Variants in OPRM1 observed in about 807,000 individuals in gnomAD.
OPRM1 encodes opioid receptor mu 1, also known as mu-type opioid receptor.
Under a neutral mutation model 31.8 loss-of-function variants are expected in OPRM1, and 27 were observed. The observed-to-expected ratio is 0.85, with a 90% CI of 0.63 to 1.17. OPRM1 has a LOEUF of 1.17. Ranked by LOEUF, OPRM1 falls within the 50% of genes most tolerant of loss-of-function variation. The pLI, the probability that OPRM1 is intolerant of heterozygous loss-of-function variation, is 0.00. For synonymous variants in OPRM1, 196 were observed against 189.9 expected, an observed-to-expected ratio of 1.03 and a Z score of -0.26; for missense variants, 536 against 511.1, an observed-to-expected ratio of 1.05 and a Z score of -0.47.
upstream of OPRM1, chr6:154,039,039 A>C (rs571470402): frequency 1.1e-4 from 128 of 1,202,350 alleles, 1 homozygote; most frequent in South Asian, 1.9e-3. Context: ...TCCCTGCCAG[A>C]TTTTAAGGAG....
chr6:154,089,716 A>G (rs546357423), intron 1 of OPRM1, 110 bp from the exon 2 acceptor site: 5 of 704,918 alleles, frequency 7.1e-6, no homozygotes, highest in South Asian at 5.6e-5. Flanking sequence ...TTCTATATCT[A>G]ATCTCAAAAA....
chr6:154,203,847 G>A lies in OPRM1; in HGVS notation c.1165-42846G>A, dbSNP rs1777270063. 2.0e-5 allele frequency among the ~76,000 whole-genome samples: 3 copies of A among 152,316 alleles called. No homozygotes were observed. The South Asian group carries it at 6.2e-4, about 32-fold the overall frequency. On this transcript the variant is annotated intron_variant, in intron 3 of 3. Transcript: ENST00000337049. ...GCTTTGTGAAGAAAAGCGCCCCAGA[G>A]TTATTCAGCCTCTGGGGGAGGAGCT...
At chr6:154,139,406 T>C (rs1798141927) in intron 3 of OPRM1, among the ~76,000 whole-genome samples, 1 of 152,238 alleles carries the variant, frequency 6.6e-6, no homozygotes. Context: ...TTGAAAACTC[T>C]TGGAGTTCTC....
At chr6:154,017,439 C>T (rs567350834) in intron 1 of OPRM1, among the ~76,000 whole-genome samples, 14 of 152,068 alleles carry the variant, frequency 9.2e-5, no homozygotes, top group African/African-American at 3.1e-4. Context: ...GGGGCACAGG[C>T]GTACATGAGA....
At chr6:154,244,644 T>C (rs1780886290) in intron 3 of OPRM1, among the ~76,000 whole-genome samples, 1 of 152,130 alleles carries the variant, frequency 6.6e-6, no homozygotes, top group African/African-American at 2.4e-5. Flanking sequence ...ATGCCTAAAA[T>C]AGGTAACTCA....
At position 154,129,260 on chromosome 6, in the gene OPRM1, G is replaced by C. The variant is rs985068684; in HGVS notation, c.*10539G>C. On this transcript the variant is annotated 3_prime_UTR_variant, in exon 4 of 4. Coordinates refer to ENST00000330432, the MANE Select transcript of OPRM1 (RefSeq NM_000914.5). ...GTCTGGGAGGAACAGAACAGGACAG[G>C]GAGTTCTTCTATACAATAGAGAACA... 2.6e-5 allele frequency among the ~76,000 whole-genome samples: 4 copies of C among 152,128 alleles called. No individual in the cohort carries two copies. The highest frequency in any genetic ancestry group is 6.6e-5 in the Admixed American group (1 of 15,266).
chr6:154,092,158 C>T (rs926610539), intron 3 of OPRM1, among the ~76,000 whole-genome samples: 7 of 151,856 alleles, frequency 4.6e-5, no homozygotes, highest in Non-Finnish European at 7.4e-5. Context: ...GGGTGAATAG[C>T]GACTAGCTTT....
intron 1 of OPRM1, among the ~76,000 whole-genome samples, chr6:154,054,162 G>A (rs1206672668): frequency 2.6e-5 from 4 of 151,956 alleles, no homozygotes; most frequent in African/African-American, 7.3e-5. Flanking sequence ...GAGGTCAGGA[G>A]ATCGAGACCA....
At chr6:154,172,723 G>T (rs552341553) in intron 3 of OPRM1, among the ~76,000 whole-genome samples, 1 of 152,362 alleles carries the variant, frequency 6.6e-6, no homozygotes, top group Admixed American at 6.5e-5. Flanking sequence ...TCCACCTCTG[G>T]GGGCAGGGCA....
At chr6:154,245,553 T>G (rs1347067912) in intron 3 of OPRM1, among the ~76,000 whole-genome samples, 1 of 152,224 alleles carries the variant, frequency 6.6e-6, no homozygotes, top group East Asian at 1.9e-4. Context: ...GCAGTACTTA[T>G]TTTGCATTTA....
At chr6:154,100,216 G>T (rs200062309) in intron 3 of OPRM1, among the ~76,000 whole-genome samples, 5 of 119,412 alleles carry the variant, frequency 4.2e-5, no homozygotes, top group Non-Finnish European at 6.6e-5. Context: ...ATCATATTAT[G>T]ACATATCGTA....
intron 1 of OPRM1, among the ~76,000 whole-genome samples, chr6:154,032,026 T>C (rs1486239701): frequency 1.3e-5 from 2 of 152,196 alleles, no homozygotes; most frequent in Non-Finnish European, 2.9e-5. Context: ...ATTCTTTTAA[T>C]CTGTTTTTGG....
chr6:154,133,946 G>T (rs1384224165), downstream of OPRM1, among the ~76,000 whole-genome samples: 2 of 152,246 alleles, frequency 1.3e-5, no homozygotes, highest in East Asian at 3.8e-4. Flanking sequence ...ACTGGAAATG[G>T]CCTATGGTTT....
intron 1 of OPRM1, chr6:154,083,497 C>T (rs1378793747): frequency 3.9e-5 from 6 of 152,202 alleles, no homozygotes; most frequent in African/African-American, 1.2e-4. Context: ...CAAAGTTCAT[C>T]ATGGTTCTGA....
rs377036878 is a variant in OPRM1 at position 154,106,710 on chromosome 6, C to T, written c.1165-11973C>T. 6.6e-5 allele frequency among the ~76,000 whole-genome samples: 10 copies of T among 152,206 alleles called. No homozygotes were observed. The East Asian group carries it at 1.7e-3, about 26-fold the overall frequency. On this transcript the variant is annotated intron_variant, in intron 3 of 3. Transcript: ENST00000330432. ...TACAGGATCCTTTTTTATATAAAAT[C>T]TCTTTCTTTATAATCTTCTTTGTAT...
chr6:154,083,943 CAAAAAAAAAAA>C (rs57976654), intron 1 of OPRM1, among the ~76,000 whole-genome samples: 75 of 35,166 alleles, frequency 2.1e-3, no homozygotes, highest in African/African-American at 5.4e-3. Context: ...GACTCCGTCT[CAAAAAAAAAAA>C]AAAAAAAAAA....
chr6:154,138,353 G>A (rs12663739), intron 3 of OPRM1, among the ~76,000 whole-genome samples: 26,343 of 152,100 alleles, frequency 0.17, 2,750 homozygotes, highest in Non-Finnish European at 0.24. Flanking sequence ...CAGTTGAATC[G>A]CCTGATTGCT....
chr6:154,068,963 T>C (rs1786060316), intron 1 of OPRM1, among the ~76,000 whole-genome samples: 1 of 152,232 alleles, frequency 6.6e-6, no homozygotes, highest in African/African-American at 2.4e-5. Flanking sequence ...TTACTGATGT[T>C]AAACATTTTT....
intron 3 of OPRM1, among the ~76,000 whole-genome samples, chr6:154,183,983 C>G (rs954631936): frequency 2.6e-5 from 4 of 152,048 alleles, no homozygotes; most frequent in Admixed American, 2.6e-4. Context: ...AACATTTAAG[C>G]AAATTTCAAG....
Sources: allele counts gnomAD v4.1 joint callset (sites outside exome capture counted in the v4.1 genomes callset), GRCh38; gene constraint gnomAD v4.1.1; transcripts MANE v1.5; gene names NCBI Gene and HGNC (gene_info 2026-07-23, HGNC 2026-07-21).